Variants in MYO18B observed in about 807,000 individuals in gnomAD.
The protein encoded by MYO18B is unconventional myosin-XVIIIb.
MYO18B carries 204 observed loss-of-function variants against 273.0 expected under a neutral mutation model. The ratio of observed to expected loss-of-function variants is 0.75; its 90% CI spans 0.67 to 0.84. The LOEUF is 0.84. Ranked by LOEUF, MYO18B falls within the 40% of genes least tolerant of loss-of-function variation. MYO18B has a pLI of 0.00. For missense variants in MYO18B, 3,212 were observed against 3,287.6 expected, an observed-to-expected ratio of 0.98 and a Z score of 0.56; for synonymous variants, 1,330 against 1,305.7, an observed-to-expected ratio of 1.02 and a Z score of -0.40.
chr22:25,855,285 CT>C lies in MYO18B; in HGVS notation c.3885+3722del, dbSNP rs150338635. On this transcript the variant is annotated intron_variant, in intron 21 of 43. Transcript: ENST00000335473. ...TTTCTGCAAAGGACGTTATCTCATT[CT>C]TTTTTTTTTTTTTTTGAGATGGAGT... 7.1e-3 allele frequency among the ~76,000 whole-genome samples: 939 copies of C among 132,304 alleles called. 15 individuals are homozygous for C. Among genetic ancestry groups the C allele is most frequent in the African/African-American group, 0.025 (865 of 35,172 alleles). 86.8% of individuals were successfully genotyped at this position (132,304 alleles called of 152,430 possible).
Position 25,789,663 on chromosome 22 carries a change from T to G in MYO18B, c.2376+4172T>G, listed in dbSNP as rs536331462. Reference sequence around the variant, plus strand: ...AAAAAAAAATAACGAAATTACTACATACTTCCTATGGAGAAATCAGAAAAA... The same window carrying G: ...AAAAAAAAATAACGAAATTACTACAGACTTCCTATGGAGAAATCAGAAAAA... On this transcript the variant is annotated intron_variant, in intron 11 of 43. Coordinates refer to ENST00000335473, the MANE Select transcript of MYO18B (RefSeq NM_032608.7). 1.7e-4 allele frequency among the ~76,000 whole-genome samples: 25 copies of G among 151,146 alleles called. No homozygotes were observed. In the South Asian group the frequency reaches 2.7e-3, roughly 16 times the overall value.
chr22:25,761,010 G>A lies in MYO18B; in HGVS notation c.-83G>A. ...TCTGTGTCCATCTCATGTGCTGCGTGTGTCTGTAAAGCCTCATTCCGTGCT... is the reference window on the plus strand; with the variant it reads ...TCTGTGTCCATCTCATGTGCTGCGTATGTCTGTAAAGCCTCATTCCGTGCT... On this transcript the variant is annotated 5_prime_UTR_variant, in exon 2 of 44. The change creates a new upstream start codon in the 5' untranslated region. Transcript: ENST00000335473. 3.5e-6 allele frequency: 5 copies of A among 1,441,638 alleles called. No homozygotes were observed. The South Asian group carries it at 4.6e-5, about 13-fold the overall frequency. The allele number at this position is 1,441,638 out of a possible 1,614,324, so 89.3% of individuals were successfully genotyped here. A position where few individuals can be genotyped will look rare whatever the true frequency, so the allele number is the denominator to read the frequency against.
intron 33 of MYO18B, among the ~76,000 whole-genome samples, chr22:25,913,667 C>T (rs1317568792): frequency 2.0e-5 from 3 of 152,046 alleles, no homozygotes; most frequent in African/African-American, 7.3e-5. Flanking sequence ...CGTGCCTGGC[C>T]GATTGTGGCT....
At chr22:26,003,140 T>A in intron 40 of MYO18B, 125 bp from the exon 41 acceptor site, 1 of 848,768 alleles carries the variant, frequency 1.2e-6, no homozygotes, top group Non-Finnish European at 2.0e-6. Context: ...GTGACTTCCC[T>A]GAGATCACAC....
intron 39 of MYO18B, among the ~76,000 whole-genome samples, chr22:25,979,693 A>G (rs1056430854): frequency 2.0e-5 from 3 of 152,216 alleles, no homozygotes; most frequent in Non-Finnish European, 4.4e-5. Flanking sequence ...AAGAGCTTTA[A>G]GGAACTTTAG....
intron 10 of MYO18B, among the ~76,000 whole-genome samples, chr22:25,783,814 G>T (rs1051238010): frequency 5.9e-5 from 9 of 152,218 alleles, no homozygotes; most frequent in African/African-American, 2.2e-4. Context: ...GAGTTTCAGG[G>T]ACCCTAAGAG....
intron 31 of MYO18B, among the ~76,000 whole-genome samples, chr22:25,905,288 G>A (rs1253740402): frequency 6.6e-6 from 1 of 152,150 alleles, no homozygotes; most frequent in Non-Finnish European, 1.5e-5. Context: ...GATCCAGGAA[G>A]TCTTGGATGC....
chr22:25,877,067 G>A (rs2091220042), intron 24 of MYO18B: 1 of 152,232 alleles, frequency 6.6e-6, no homozygotes, highest in Non-Finnish European at 1.5e-5. Context: ...AATCCCTGGA[G>A]GATGAAGTGC....
chr22:25,801,067 G>T (rs5761207), intron 12 of MYO18B, among the ~76,000 whole-genome samples: 1 of 152,086 alleles, frequency 6.6e-6, no homozygotes, highest in Admixed American at 6.5e-5. Flanking sequence ...TTTCAAAGTC[G>T]TACATAAATG....
chr22:25,845,741 T>C (rs1387297927), intron 18 of MYO18B, among the ~76,000 whole-genome samples: 1 of 152,126 alleles, frequency 6.6e-6, no homozygotes, highest in African/African-American at 2.4e-5. Context: ...CTAGGCCTGG[T>C]CTAGGAATAG....
At chr22:26,060,080 G>T in the MYO18B span, among the ~76,000 whole-genome samples, 1 of 152,224 alleles carries the variant, frequency 6.6e-6, no homozygotes, top group Non-Finnish European at 1.5e-5. Flanking sequence ...CCTGTTGAAA[G>T]AAGTAAAGCA....
chr22:25,944,392 C>A (rs1405449738), intron 34 of MYO18B, among the ~76,000 whole-genome samples: 1 of 152,102 alleles, frequency 6.6e-6, no homozygotes, highest in Non-Finnish European at 1.5e-5. Flanking sequence ...GTGACCCATC[C>A]CTCTCTGAGC....
chr22:25,943,925 T>C (rs2146570248), intron 34 of MYO18B, among the ~76,000 whole-genome samples: 1 of 152,218 alleles, frequency 6.6e-6, no homozygotes, highest in East Asian at 1.9e-4. Context: ...TTTCACCATG[T>C]TGGTCAGGCT....
At chr22:25,775,511 C>G (rs571227958) in intron 7 of MYO18B, among the ~76,000 whole-genome samples, 20 of 152,206 alleles carry the variant, frequency 1.3e-4, no homozygotes, top group Non-Finnish European at 2.4e-4. Context: ...TTCCTCTTTT[C>G]CTTTTGGTGC....
chr22:25,992,467 G>A lies in MYO18B; in HGVS notation c.6261G>A (p.Val2087=). The A allele has an allele frequency of 1.2e-6, 2 of 1,613,984 alleles. No homozygotes were observed. The highest frequency in any genetic ancestry group is 1.7e-6 in the Non-Finnish European group (2 of 1,179,890). ...ACCTGCAGGCTGCCTTGGAAGAAGT[G>A]GCATCCAGTGACAGTGATACTGAGA... The part of the protein sequence containing the change: ...IADLQAALEE[V]ASSDSDTESV... The change falls in exon 40 of 44, where the codon GTG becomes GTA. Residue 2087 remains valine (V), a synonymous_variant. Coordinates refer to ENST00000335473, the MANE Select transcript of MYO18B (RefSeq NM_032608.7).
the MYO18B span, among the ~76,000 whole-genome samples, chr22:26,038,874 G>A: frequency 6.6e-6 from 1 of 152,166 alleles, no homozygotes; most frequent in Non-Finnish European, 1.5e-5. Context: ...TGCCCCAGGT[G>A]CATTTTCTAG....
At chr22:25,946,362 A>G (rs894363146) in intron 35 of MYO18B, 112 bp downstream of exon 35, 2 of 663,752 alleles carry the variant, frequency 3.0e-6, no homozygotes, top group Non-Finnish European at 5.0e-6. Context: ...CATTTATTGT[A>G]AACCTACCAG....
chr22:25,854,329 G>T (rs1172464079), intron 21 of MYO18B, among the ~76,000 whole-genome samples: 1 of 152,092 alleles, frequency 6.6e-6, no homozygotes. Flanking sequence ...ACTATGAAAA[G>T]GTTACAGAAC....
intron 33 of MYO18B, among the ~76,000 whole-genome samples, chr22:25,911,800 C>T (rs2092164258): frequency 6.6e-6 from 1 of 152,126 alleles, no homozygotes; most frequent in Non-Finnish European, 1.5e-5. Context: ...TGTTGCTGTA[C>T]TAATGTAGCC....
Sources: gnomAD v4.1 joint callset for allele counts (sites outside exome capture counted in the v4.1 genomes callset) on GRCh38, gnomAD v4.1.1 for gene constraint, MANE v1.5 for transcripts, NCBI Gene and HGNC (gene_info 2026-07-23, HGNC 2026-07-21) for gene names.